CHM: variants seen among roughly 807,000 people sequenced by gnomAD.
CHM encodes rab proteins geranylgeranyltransferase component A 1.
Under a neutral mutation model 49.0 loss-of-function variants are expected in CHM, and 10 were observed. The ratio of observed to expected loss-of-function variants is 0.20; its 90% CI spans 0.13 to 0.35. The LOEUF (loss-of-function observed/expected upper bound fraction) is 0.35. CHM is among the 10% of genes least tolerant of loss of function. CHM has a pLI of 1.00. For missense variants in CHM, 455 were observed against 478.4 expected, an observed-to-expected ratio of 0.95 and a Z score of 0.46; for synonymous variants, 184 against 167.5, an observed-to-expected ratio of 1.10 and a Z score of -0.76.
chrX:85,910,634 C>A (rs1474060293), intron 9 of CHM, among the ~76,000 whole-genome samples: 3 of 111,182 alleles, frequency 2.7e-5, no homozygotes, highest in African/African-American at 9.8e-5. Flanking sequence ...AGCCTATAGG[C>A]CTGATACTAT....
At chrX:86,034,009 G>A (rs1477802104) in intron 1 of CHM, among the ~76,000 whole-genome samples, 1 of 111,359 alleles carries the variant, frequency 9.0e-6, no homozygotes, top group African/African-American at 3.3e-5. Flanking sequence ...TGAGCCTTTA[G>A]GGATGGCTAA....
chrX:86,016,397 C>T (rs1293057933), intron 2 of CHM, among the ~76,000 whole-genome samples: 2 of 111,808 alleles, frequency 1.8e-5, no homozygotes, highest in Non-Finnish European at 3.8e-5. Context: ...GGCCTGCAGG[C>T]CTAGGAGAAA....
At chrX:85,925,351 G>T (rs1928021590) in intron 8 of CHM, among the ~76,000 whole-genome samples, 1 of 111,073 alleles carries the variant, frequency 9.0e-6, no homozygotes, top group African/African-American at 3.3e-5. Flanking sequence ...AAAAGCACTG[G>T]TGTTTCCTGA....
rs377262659 is a variant in CHM at position 86,020,801 on chromosome X, A to G, written c.116+6690T>C. ...AGCGGCAGAAGCAGCATTTAAATATATAAGAGCAGTAGATGCTCTTATATA... is the reference window on the plus strand; with the variant it reads ...AGCGGCAGAAGCAGCATTTAAATATGTAAGAGCAGTAGATGCTCTTATATA... On this transcript the variant is annotated intron_variant, in intron 2 of 14. Transcript: ENST00000357749. 2.9e-5 allele frequency among the ~76,000 whole-genome samples: 3 copies of G among 103,092 alleles called. No homozygotes were observed. The East Asian group carries it at 9.1e-4, about 31-fold the overall frequency. The allele number at this position is 103,092 out of a possible 115,157, so 89.5% of individuals were successfully genotyped here. A position where few individuals can be genotyped will look rare whatever the true frequency, so the allele number is the denominator to read the frequency against.
chrX:85,884,960 G>T (rs1034339131), intron 12 of CHM, among the ~76,000 whole-genome samples: 1 of 110,188 alleles, frequency 9.1e-6, no homozygotes, highest in African/African-American at 3.3e-5. Context: ...TATATTATAC[G>T]CCACTGTGAC....
At chrX:85,888,351 G>A (rs1486834882) in intron 12 of CHM, among the ~76,000 whole-genome samples, 1 of 112,314 alleles carries the variant, frequency 8.9e-6, no homozygotes, top group African/African-American at 3.2e-5. Context: ...AAAGAGTTTT[G>A]ATAAGATAAT....
intron 2 of CHM, among the ~76,000 whole-genome samples, chrX:85,988,738 A>G (rs890755121): frequency 9.0e-6 from 1 of 111,646 alleles, no homozygotes; most frequent in African/African-American, 3.3e-5. Context: ...CAGAAAGCCA[A>G]TCTCATTCAC....
chrX:86,020,594 A>G (rs2147780484), intron 2 of CHM, among the ~76,000 whole-genome samples: 1 of 106,950 alleles, frequency 9.4e-6, no homozygotes, highest in East Asian at 2.9e-4. Flanking sequence ...ATTACTATAT[A>G]TTGCAAATAT....
intron 11 of CHM, among the ~76,000 whole-genome samples, chrX:85,898,387 G>A (rs1285813813): frequency 6.3e-5 from 7 of 111,554 alleles, no homozygotes; most frequent in African/African-American, 2.3e-4. Context: ...CTGAATTTTA[G>A]CCTCCCCAGC....
intron 6 of CHM, among the ~76,000 whole-genome samples, chrX:85,958,187 A>G (rs759917545): frequency 2.7e-5 from 3 of 112,065 alleles, no homozygotes; most frequent in Non-Finnish European, 5.6e-5. Context: ...GTTACTCCCC[A>G]TGCCATTAAA....
intron 2 of CHM, among the ~76,000 whole-genome samples, chrX:86,008,003 C>T (rs1004649479): frequency 8.9e-6 from 1 of 111,885 alleles, no homozygotes; most frequent in Non-Finnish European, 1.9e-5. Flanking sequence ...ACTTGGAACC[C>T]ACCCAAATGT....
chrX:85,978,463 G>A (rs1931403450), intron 4 of CHM, among the ~76,000 whole-genome samples: 1 of 111,382 alleles, frequency 9.0e-6, no homozygotes, highest in African/African-American at 3.3e-5. Flanking sequence ...TTCCATTGAG[G>A]ATTCTGTAAA....
chrX:86,031,576 C>A (rs887044831), intron 1 of CHM, among the ~76,000 whole-genome samples: 3 of 112,790 alleles, frequency 2.7e-5, no homozygotes, highest in African/African-American at 9.7e-5. Context: ...CACGGTGGCT[C>A]ACACCTGTAA....
chrX:85,957,952 G>A lies in CHM; in HGVS notation c.843C>T (p.Val281=), dbSNP rs746336902. ...CCATAGTAAGTTGTTTGCTATTAAA[G>A]ACATCTGCTCTGGAACACGGAACCT... ...VEQVPCSRAD[V]FNSKQLTMVE... is the part of the protein sequence containing the mutation. The change falls in exon 7 of 15, where the codon GTC becomes GTT. Residue 281 remains valine, a synonymous_variant. Coordinates refer to ENST00000357749, the MANE Select transcript of CHM (RefSeq NM_000390.4). 5.0e-6 allele frequency: 6 copies of A among 1,209,036 alleles called. No homozygotes were observed. The African/African-American group carries it at 8.7e-5, about 18-fold the overall frequency.
At chrX:85,871,320 A>AAAAAAAAAAAAAAAAAAAAAAAAAT (rs1487188345) in intron 14 of CHM, among the ~76,000 whole-genome samples, 1 of 103,006 alleles carries the variant, frequency 9.7e-6, no homozygotes, top group Non-Finnish European at 1.9e-5. Context: ...AAAAAAAAAA[A>AAAAAAAAAAAAAAAAAAAAAAAAAT]AAGAAGAAAT....
In CHM at chrX:86,027,813, G is replaced by T. The variant is rs148458003; in HGVS notation, c.50-256C>A. 4.8e-3 allele frequency among the ~76,000 whole-genome samples: 535 copies of T among 110,879 alleles called. 1 individual carries two copies. Among genetic ancestry groups the T allele is most frequent in the Middle Eastern group, 0.019 (4 of 212 alleles). On this transcript the variant is annotated intron_variant, in intron 1 of 14. Coordinates refer to ENST00000357749, the MANE Select transcript of CHM (RefSeq NM_000390.4). Reference sequence around the variant, plus strand: ...CGGAGTCTCACTCTGTCACCAGCTGGAGTACAGTGGCGCGATCTCGGCTCA... The same window carrying T: ...CGGAGTCTCACTCTGTCACCAGCTGTAGTACAGTGGCGCGATCTCGGCTCA...
chrX:85,952,004 G>A (rs1402237371), intron 8 of CHM, among the ~76,000 whole-genome samples: 1 of 112,266 alleles, frequency 8.9e-6, no homozygotes, highest in Non-Finnish European at 1.9e-5. Context: ...GTGGCACTGA[G>A]AGAACATTTG....
At chrX:85,884,924 C>G (rs1281397252) in intron 12 of CHM, among the ~76,000 whole-genome samples, 2 of 110,880 alleles carry the variant, frequency 1.8e-5, no homozygotes, top group Non-Finnish European at 3.8e-5. Context: ...TACATGACAT[C>G]TAAAACATTA....
intron 12 of CHM, among the ~76,000 whole-genome samples, chrX:85,892,412 T>A (rs925451195): frequency 9.0e-6 from 1 of 110,504 alleles, no homozygotes; most frequent in Non-Finnish European, 1.9e-5. Flanking sequence ...GGGGCCGGTC[T>A]TTCTTGTGCT....
Sources: gnomAD v4.1 joint callset for allele counts (sites outside exome capture counted in the v4.1 genomes callset) on GRCh38, gnomAD v4.1.1 for gene constraint, MANE v1.5 for transcripts, NCBI Gene and HGNC (gene_info 2026-07-23, HGNC 2026-07-21) for gene names.